The following UGT1A5 variants were observed in gnomAD, a reference collection of about 807,000 sequenced individuals.
UGT1A5 encodes UDP glucuronosyltransferase family 1 member A5.
A neutral mutation model predicts 40.3 loss-of-function variants in UGT1A5; 29 were observed. The ratio of observed to expected loss-of-function variants is 0.72; its 90% CI spans 0.54 to 0.98. The LOEUF (loss-of-function observed/expected upper bound fraction) is 0.98, where lower values mean the gene tolerates loss of function less well. Among genes scored for constraint, UGT1A5 ranks in the 50% least tolerant of loss-of-function variants. The pLI is 0.00. For synonymous variants in UGT1A5, 257 were observed against 262.5 expected (o/e 0.98, Z 0.20); for missense variants, 678 against 677.9 (o/e 1.00, Z 0.00).
intron 1 of UGT1A5, among the ~76,000 whole-genome samples, chr2:233,759,074 G>A (rs550324440): frequency 5.3e-5 from 8 of 152,342 alleles, no homozygotes; most frequent in African/African-American, 1.9e-4. Flanking sequence ...GAATTTGGAA[G>A]AAAGAGACTT....
At chr2:233,767,542 T>C (rs1158948915) in intron 2 of UGT1A5, among the ~76,000 whole-genome samples, 1 of 152,274 alleles carries the variant, frequency 6.6e-6, no homozygotes, top group African/African-American at 2.4e-5. Context: ...TTTCTGCTCT[T>C]ATAGTTCTGC....
chr2:233,755,768 C>G (rs1461511969), intron 1 of UGT1A5: 5 of 152,866 alleles, frequency 3.3e-5, no homozygotes, highest in African/African-American at 1.2e-4. Flanking sequence ...TTTTGTTCAT[C>G]TGGATTATGC....
chr2:233,757,265 C>T (rs1416331195), intron 1 of UGT1A5, among the ~76,000 whole-genome samples: 2 of 116,902 alleles, frequency 1.7e-5, no homozygotes, highest in Non-Finnish European at 3.3e-5. Flanking sequence ...AGGTGGCAGC[C>T]GATGCAATGA....
At chr2:233,729,540 C>A in intron 1 of UGT1A5, 1 of 1,614,202 alleles carries the variant, frequency 6.2e-7, no homozygotes, top group Middle Eastern at 1.6e-4. Context: ...AGGCCCTGAT[C>A]AGGCACCTGA....
At chr2:233,726,156 G>A (rs1332003910) in intron 1 of UGT1A5, among the ~76,000 whole-genome samples, 1 of 152,114 alleles carries the variant, frequency 6.6e-6, no homozygotes, top group Non-Finnish European at 1.5e-5. Context: ...ACAGAGTGAG[G>A]CCCCATTTCA....
intron 4 of UGT1A5, chr2:233,770,700 A>G (rs1353912546): frequency 1.3e-5 from 2 of 152,056 alleles, no homozygotes; most frequent in African/African-American, 4.8e-5. Flanking sequence ...AATTCATCTT[A>G]AGGTTTATGT....
intron 1 of UGT1A5, among the ~76,000 whole-genome samples, chr2:233,727,898 G>T (rs1417233158): frequency 6.6e-6 from 1 of 152,198 alleles, no homozygotes; most frequent in Admixed American, 6.5e-5. Flanking sequence ...ACACGGCCAG[G>T]CAAGAAGACA....
Position 233,769,517 on chromosome 2 carries a change from G to C in UGT1A5, c.1307+1078G>C. The C allele has an allele frequency of 6.2e-7, 1 of 1,612,844 alleles. No individual in the cohort carries two copies. The highest frequency in any genetic ancestry group is 8.5e-7 in the Non-Finnish European group (1 of 1,179,874). On this transcript the variant is annotated intron_variant, in intron 4 of 4. Coordinates refer to ENST00000373414, the MANE Select transcript of UGT1A5 (RefSeq NM_019078.2). This position sits in a 1 kb window ranked among gnomAD's most constrained non-coding sequence, Gnocchi z 4.4. ...AGAGTGTCCATTGCTTTCTCCCATG[G>C]TTACCTCCTTTAGAAAGAAGCAGCA...
intron 1 of UGT1A5, among the ~76,000 whole-genome samples, chr2:233,722,767 A>G (rs2077035171): frequency 6.6e-6 from 1 of 151,610 alleles, no homozygotes; most frequent in Non-Finnish European, 1.5e-5. Flanking sequence ...CTGTTACCTA[A>G]TTCTGATATT....
intron 1 of UGT1A5, among the ~76,000 whole-genome samples, chr2:233,745,064 T>C (rs1693002453): frequency 6.6e-6 from 1 of 151,912 alleles, no homozygotes; most frequent in Non-Finnish European, 1.5e-5. Flanking sequence ...TTTGTATTAT[T>C]TGTATTGTTT....
intron 1 of UGT1A5, chr2:233,760,455 A>T (rs2125984333): frequency 6.2e-7 from 1 of 1,614,200 alleles, no homozygotes; most frequent in Non-Finnish European, 8.5e-7. Context: ...GGGGACATGA[A>T]ATAGTTGTCC....
chr2:233,743,960 G>T, intron 1 of UGT1A5: 4 of 1,334,214 alleles, frequency 3.0e-6, no homozygotes, highest in Admixed American at 2.0e-5. Context: ...CACAGCGAGC[G>T]GCAAGGCTGC....
intron 1 of UGT1A5, chr2:233,747,437 C>G: frequency 1.9e-6 from 3 of 1,608,846 alleles, no homozygotes; most frequent in Non-Finnish European, 2.6e-6. Context: ...AGAAATTTTT[C>G]ACCCTGACAA....
intron 1 of UGT1A5, among the ~76,000 whole-genome samples, chr2:233,742,284 C>A (rs1006206335): frequency 1.3e-5 from 2 of 151,974 alleles, no homozygotes; most frequent in Non-Finnish European, 2.9e-5. Context: ...AGCATCATTT[C>A]TATAGATTAT....
At chr2:233,762,238 A>G (rs1231676264) in intron 1 of UGT1A5, among the ~76,000 whole-genome samples, 1 of 152,096 alleles carries the variant, frequency 6.6e-6, no homozygotes, top group East Asian at 1.9e-4. Context: ...CCTAAGGCAC[A>G]GAATAGGCAC....
At chr2:233,724,876 G>A (rs1425686666) in intron 1 of UGT1A5, among the ~76,000 whole-genome samples, 5 of 132,730 alleles carry the variant, frequency 3.8e-5, no homozygotes, top group South Asian at 5.6e-4. Context: ...GTAGTGAGCG[G>A]AGATCACGCC....
intron 1 of UGT1A5, chr2:233,729,433 A>T (rs2077858164): frequency 6.2e-7 from 1 of 1,613,790 alleles, no homozygotes; most frequent in African/African-American, 1.3e-5. Flanking sequence ...GTACTTTGAA[A>T]CAGAACATTT....
intron 1 of UGT1A5, chr2:233,760,375 A>T (rs1032753915): frequency 1.2e-6 from 2 of 1,614,042 alleles, no homozygotes; most frequent in Admixed American, 1.7e-5. Context: ...TGCTGGGAAG[A>T]TACTGTTGAT....
At chr2:233,753,742 T>C (rs1695292071) in intron 1 of UGT1A5, 1 of 152,200 alleles carries the variant, frequency 6.6e-6, no homozygotes, top group African/African-American at 2.4e-5. Context: ...AGCACAGCAA[T>C]AGGACAGTTT....
Sources: gnomAD v4.1 joint callset for allele counts (sites outside exome capture counted in the v4.1 genomes callset) on GRCh38, gnomAD v4.1.1 for gene constraint, Gnocchi (gnomAD v3.1) non-coding constraint, MANE v1.5 for transcripts, NCBI Gene and HGNC (gene_info 2026-07-23, HGNC 2026-07-21) for gene names.